Variants in GHR observed in about 807,000 individuals in gnomAD.
GHR encodes the protein growth hormone receptor.
Under a neutral mutation model 67.1 loss-of-function variants are expected in GHR, and 35 were observed. The ratio of observed to expected loss-of-function variants is 0.52; its 90% CI spans 0.40 to 0.69. The LOEUF is 0.69. Ranked by LOEUF, GHR falls within the 30% of genes least tolerant of loss-of-function variation. The pLI is 0.00. For synonymous variants in GHR, 272 were observed against 269.1 expected, an observed-to-expected ratio of 1.01 and a Z score of -0.10; for missense variants, 792 against 764.6, an observed-to-expected ratio of 1.04 and a Z score of -0.42.
At chr5:42,514,779 G>C (rs1747169321) in intron 1 of GHR, 1 of 152,238 alleles carries the variant, frequency 6.6e-6, no homozygotes, top group East Asian at 1.9e-4. Flanking sequence ...TCATTGCTAA[G>C]AGAACTATGT....
rs549091631 is a variant in GHR at position 42,705,389 on chromosome 5, G to T, written c.618+5387G>T. 8.6e-5 allele frequency among the ~76,000 whole-genome samples: 13 copies of T among 152,022 alleles called. No homozygotes were observed. In the East Asian group the frequency reaches 1.5e-3, roughly 18 times the overall value. ...TCCATTTTTGTCTCAAGATATTTTT[G>T]ATTTTATTTTTTACTTTTTAACTAT... On this transcript the variant is annotated intron_variant, in intron 6 of 9. Transcript: ENST00000230882.
chr5:42,685,408 G>A (rs892887551), intron 3 of GHR, among the ~76,000 whole-genome samples: 3 of 151,786 alleles, frequency 2.0e-5, no homozygotes, highest in Admixed American at 2.0e-4. Flanking sequence ...AAACATACAT[G>A]TGCAAGTGTC....
chr5:42,533,493 A>C (rs541720676), intron 1 of GHR, among the ~76,000 whole-genome samples: 2 of 152,068 alleles, frequency 1.3e-5, no homozygotes, highest in East Asian at 3.9e-4. Flanking sequence ...TTATTACTCT[A>C]GATTTTGAGA....
intron 3 of GHR, among the ~76,000 whole-genome samples, chr5:42,686,899 C>T (rs377106613): frequency 6.6e-6 from 1 of 152,288 alleles, no homozygotes; most frequent in African/African-American, 2.4e-5. Flanking sequence ...TCTCTGTTTG[C>T]AGATGACATG....
intron 2 of GHR, among the ~76,000 whole-genome samples, chr5:42,577,186 T>C (rs913182477): frequency 5.9e-5 from 9 of 152,186 alleles, no homozygotes; most frequent in Non-Finnish European, 1.2e-4. Context: ...AAATACAGCT[T>C]CATATAATTG....
intron 1 of GHR, among the ~76,000 whole-genome samples, chr5:42,437,967 T>C (rs771701080): frequency 2.0e-4 from 31 of 152,206 alleles, no homozygotes; most frequent in Non-Finnish European, 4.0e-4. Flanking sequence ...GAAATTCCTC[T>C]GATTTCTAGA....
intron 1 of GHR, among the ~76,000 whole-genome samples, chr5:42,512,968 T>C (rs1747083451): frequency 6.6e-6 from 1 of 152,210 alleles, no homozygotes. Flanking sequence ...CCTGAACTTA[T>C]GGCTCTGGGG....
At chr5:42,501,831 A>G (rs1746552837) in intron 1 of GHR, among the ~76,000 whole-genome samples, 1 of 152,206 alleles carries the variant, frequency 6.6e-6, no homozygotes, top group South Asian at 2.1e-4. Flanking sequence ...TTTTGAAAAT[A>G]AGCTCTTCCA....
intron 3 of GHR, among the ~76,000 whole-genome samples, chr5:42,676,715 G>C (rs1404079281): frequency 6.6e-6 from 1 of 152,178 alleles, no homozygotes; most frequent in Non-Finnish European, 1.5e-5. Flanking sequence ...ACCATATTTT[G>C]ATATACTAGC....
chr5:42,661,294 C>T (rs1325808780), intron 3 of GHR, among the ~76,000 whole-genome samples: 3 of 152,136 alleles, frequency 2.0e-5, no homozygotes, highest in African/African-American at 7.2e-5. Flanking sequence ...CTCCAAGACA[C>T]ATAATTGTCA....
chr5:42,447,731 CTT>C (rs1289661794), intron 1 of GHR, among the ~76,000 whole-genome samples: 2 of 128,624 alleles, frequency 1.6e-5, no homozygotes, highest in African/African-American at 6.4e-5. Context: ...CTCTCTCTCT[CTT>C]TCTTTCTTTC....
intron 7 of GHR, 130 bp from the exon 8 acceptor site, chr5:42,713,299 T>C: frequency 1.5e-6 from 1 of 657,614 alleles, no homozygotes; most frequent in South Asian, 1.6e-5. Context: ...TTTCAGTGGT[T>C]ATCAAGAGAA....
At chr5:42,494,697 G>A (rs1416537618) in intron 1 of GHR, among the ~76,000 whole-genome samples, 3 of 152,126 alleles carry the variant, frequency 2.0e-5, no homozygotes, top group Non-Finnish European at 4.4e-5. Context: ...TACATCTTGG[G>A]TAGAGTAAAC....
At chr5:42,484,426 A>G (rs573496572) in intron 1 of GHR, among the ~76,000 whole-genome samples, 2 of 152,360 alleles carry the variant, frequency 1.3e-5, no homozygotes, top group South Asian at 4.1e-4. Context: ...ATCAGAAATA[A>G]GCATTTTCCA....
intron 1 of GHR, among the ~76,000 whole-genome samples, chr5:42,483,506 AAAAG>A (rs1005715441): frequency 6.6e-6 from 1 of 152,186 alleles, no homozygotes; most frequent in Non-Finnish European, 1.5e-5. Context: ...AAAAAAAAAA[AAAAG>A]AACCGTGTGT....
At chr5:42,452,996 T>C (rs997025830) in intron 1 of GHR, among the ~76,000 whole-genome samples, 4 of 152,152 alleles carry the variant, frequency 2.6e-5, no homozygotes, top group African/African-American at 4.8e-5. Context: ...GAATTACTTT[T>C]CTGGTTCCTT....
intron 1 of GHR, among the ~76,000 whole-genome samples, chr5:42,474,295 G>GAGAAAAAGAAAGAA (rs1554054587): frequency 1.2e-5 from 1 of 81,070 alleles, no homozygotes. Context: ...AAAAGAGAAA[G>GAGAAAAAGAAAGAA]AGAAAGAAAG....
At position 42,439,024 on chromosome 5, in the gene GHR, A is replaced by T. The variant is rs111771336; in HGVS notation, c.-12+15069A>T. ...ATTGTTTTAATTTTACTAAATCACAAATTTTAAAACATTGATACAGCAAGG... is the reference window on the plus strand; with the variant it reads ...ATTGTTTTAATTTTACTAAATCACATATTTTAAAACATTGATACAGCAAGG... On this transcript the variant is annotated intron_variant, in intron 1 of 9. Transcript: ENST00000230882. Among the ~76,000 whole-genome samples, 387 of 152,340 alleles carry T rather than the reference A, an allele frequency of 2.5e-3. 2 individuals carry two copies. Among genetic ancestry groups the T allele is most frequent in the African/African-American group, 8.9e-3 (368 of 41,580 alleles).
chr5:42,529,830 T>G (rs964698743), intron 1 of GHR, among the ~76,000 whole-genome samples: 1 of 152,130 alleles, frequency 6.6e-6, no homozygotes, highest in Non-Finnish European at 1.5e-5. Flanking sequence ...CATTCCATTA[T>G]TACCTAGGGG....
Sources: allele counts gnomAD v4.1 joint callset (sites outside exome capture counted in the v4.1 genomes callset), GRCh38; gene constraint gnomAD v4.1.1; transcripts MANE v1.5; gene names NCBI Gene and HGNC (gene_info 2026-07-23, HGNC 2026-07-21).